NXPE4: variants seen among roughly 807,000 people sequenced by gnomAD.
NXPE4 encodes the protein neurexophilin and PC-esterase domain family member 4.
In NXPE4, 42 loss-of-function variants were observed where a neutral mutation model predicts 33.3. That is an observed-to-expected ratio of 1.26 (90% CI 0.98 to 1.63). NXPE4 has a LOEUF of 1.63. Among genes scored for constraint, NXPE4 ranks in the 40% most tolerant of loss-of-function variants. NXPE4 has a pLI of 0.00. For synonymous variants in NXPE4, 253 were observed against 234.9 expected (o/e 1.08, Z -0.71); for missense variants, 709 against 647.6 (o/e 1.09, Z -1.03).
the NXPE4 span, among the ~76,000 whole-genome samples, chr11:114,608,992 G>T: frequency 7.1e-6 from 1 of 139,946 alleles, no homozygotes; most frequent in Non-Finnish European, 1.6e-5. Context: ...AACCACTGTT[G>T]CCAGGTGGAT....
At chr11:114,623,128 A>G in the NXPE4 span, among the ~76,000 whole-genome samples, 1 of 152,112 alleles carries the variant, frequency 6.6e-6, no homozygotes, top group South Asian at 2.1e-4. Context: ...TACCCGGTGG[A>G]TAATAAGTGT....
At chr11:114,647,001 C>T in the NXPE4 span, among the ~76,000 whole-genome samples, 1 of 152,202 alleles carries the variant, frequency 6.6e-6, no homozygotes, top group African/African-American at 2.4e-5. Flanking sequence ...AGAAGAGACA[C>T]TGACGGCACA....
chr11:114,647,707 T>C, the NXPE4 span, among the ~76,000 whole-genome samples: 1 of 146,246 alleles, frequency 6.8e-6, no homozygotes, highest in Admixed American at 6.7e-5. Context: ...TTTATTTTAT[T>C]TTTTTTTTTT....
At chr11:114,623,105 G>A in the NXPE4 span, among the ~76,000 whole-genome samples, 65 of 152,186 alleles carry the variant, frequency 4.3e-4, no homozygotes, top group Non-Finnish European at 6.9e-4. Flanking sequence ...GTTGCCTGGC[G>A]GATAAGCACT....
chr11:114,659,345 G>A, the NXPE4 span, among the ~76,000 whole-genome samples: 15 of 151,910 alleles, frequency 9.9e-5, no homozygotes, highest in African/African-American at 2.4e-4. Context: ...ATGAAGTATC[G>A]TTTTGATGGC....
At chr11:114,626,422 A>T in the NXPE4 span, among the ~76,000 whole-genome samples, 1 of 151,930 alleles carries the variant, frequency 6.6e-6, no homozygotes, top group African/African-American at 2.4e-5. Context: ...GCAGACTGAC[A>T]CCTCACGTGG....
intron 5 of NXPE4, among the ~76,000 whole-genome samples, chr11:114,576,957 A>G (rs1949006387): frequency 6.8e-6 from 1 of 146,880 alleles, no homozygotes; most frequent in Non-Finnish European, 1.5e-5. Flanking sequence ...TTAATCAATG[A>G]GTGGATAAAG....
At chr11:114,618,936 A>G in the NXPE4 span, among the ~76,000 whole-genome samples, 2 of 151,886 alleles carry the variant, frequency 1.3e-5, no homozygotes, top group African/African-American at 2.4e-5. Flanking sequence ...ACTGCTACCC[A>G]CTGGATAATA....
the NXPE4 span, among the ~76,000 whole-genome samples, chr11:114,612,021 C>A: frequency 6.6e-6 from 1 of 151,926 alleles, no homozygotes; most frequent in African/African-American, 2.4e-5. Context: ...TCATGGGTAA[C>A]CACTGTTACC....
chr11:114,646,437 T>G, the NXPE4 span, among the ~76,000 whole-genome samples: 6 of 152,122 alleles, frequency 3.9e-5, no homozygotes, highest in Admixed American at 3.9e-4. Context: ...ATTTTTCTGT[T>G]ATGAAAACAT....
chr11:114,616,208 C>T, the NXPE4 span, among the ~76,000 whole-genome samples: 1 of 151,336 alleles, frequency 6.6e-6, no homozygotes, highest in African/African-American at 2.4e-5. Context: ...ACTGCTGTTA[C>T]CTGGTGGATA....
intron 4 of NXPE4, among the ~76,000 whole-genome samples, chr11:114,581,010 T>C (rs1418012674): frequency 1.3e-5 from 2 of 152,168 alleles, no homozygotes; most frequent in Non-Finnish European, 2.9e-5. Flanking sequence ...GTGGGATGAG[T>C]GTACTCATGT....
intron 5 of NXPE4, 100 bp from the exon 6 acceptor site, chr11:114,571,573 G>A (rs1948887972): frequency 9.3e-7 from 1 of 1,079,510 alleles, no homozygotes; most frequent in Non-Finnish European, 1.3e-6. Flanking sequence ...AATTAAATAA[G>A]CTAATCATGT....
the NXPE4 span, among the ~76,000 whole-genome samples, chr11:114,648,316 T>A: frequency 6.6e-6 from 1 of 152,004 alleles, no homozygotes; most frequent in Non-Finnish European, 1.5e-5. Context: ...AGGTTGAAGG[T>A]CCAGGAAGAG....
At chr11:114,673,660 G>C in the NXPE4 span, among the ~76,000 whole-genome samples, 1 of 151,756 alleles carries the variant, frequency 6.6e-6, no homozygotes, top group Non-Finnish European at 1.5e-5. Flanking sequence ...AAAGAAAATA[G>C]AATCTCAGGA....
At chr11:114,601,724 T>A in the NXPE4 span, among the ~76,000 whole-genome samples, 228 of 71,214 alleles carry the variant, frequency 3.2e-3, 9 homozygotes, top group African/African-American at 0.012. Context: ...TATATTATAA[T>A]TATATATTAT....
the NXPE4 span, among the ~76,000 whole-genome samples, chr11:114,619,910 GTGTTACCTCATGGGTAACCAC>G: frequency 3.3e-5 from 5 of 151,924 alleles, no homozygotes; most frequent in African/African-American, 1.2e-4. Flanking sequence ...TGGAAAATAA[GTGTTACCTCATGGGTAACCAC>G]TGTTACCCGG....
the NXPE4 span, among the ~76,000 whole-genome samples, chr11:114,611,526 C>G: frequency 1.0e-3 from 154 of 151,816 alleles, 1 homozygote; most frequent in Admixed American, 8.3e-3. Flanking sequence ...ACCACTGTTA[C>G]CCGGTTTATA....
the NXPE4 span, among the ~76,000 whole-genome samples, chr11:114,613,161 C>T: frequency 0.019 from 2,854 of 151,316 alleles, 121 homozygotes; most frequent in African/African-American, 0.066. Flanking sequence ...GACTGTTACC[C>T]GATGGATAAT....
Sources: gnomAD v4.1 joint callset for allele counts (sites outside exome capture counted in the v4.1 genomes callset) on GRCh38, gnomAD v4.1.1 for gene constraint, MANE v1.5 for transcripts, NCBI Gene and HGNC (gene_info 2026-07-23, HGNC 2026-07-21) for gene names.